The following LY75 variants were observed in gnomAD, a reference collection of about 807,000 sequenced individuals.
LY75 encodes C-type lectin domain family 13 member B.
A neutral mutation model predicts 231.7 loss-of-function variants in LY75; 185 were observed. The observed-to-expected ratio is 0.80, with a 90% CI of 0.71 to 0.90. LY75 has a LOEUF of 0.90. Ranked by LOEUF, LY75 falls within the 40% of genes least tolerant of loss-of-function variation. The probability of loss-of-function intolerance (pLI) is 0.00; values close to 1 mark genes in which losing one functional copy is unlikely to be tolerated. For synonymous variants in LY75, 668 were observed against 689.0 expected (o/e 0.97, Z 0.48); for missense variants, 1,947 against 2,050.2 (o/e 0.95, Z 0.97).
chr2:159,901,843 T>G (rs1202575849), intron 1 of LY75, among the ~76,000 whole-genome samples: 3 of 152,228 alleles, frequency 2.0e-5, no homozygotes, highest in African/African-American at 7.2e-5. Flanking sequence ...TAAAGGAAAC[T>G]TATTAGCCTC....
intron 18 of LY75, 90 bp downstream of exon 18, chr2:159,854,270 T>G (rs1684482839): frequency 1.9e-6 from 2 of 1,045,454 alleles, no homozygotes; most frequent in Non-Finnish European, 2.5e-6. Flanking sequence ...AATTTAACTT[T>G]TGTAGATTTT....
chr2:159,892,236 C>T (rs12470941), intron 3 of LY75, among the ~76,000 whole-genome samples: 25,888 of 152,202 alleles, frequency 0.17, 2,547 homozygotes, highest in East Asian at 0.32. Context: ...TCCAAGCTCT[C>T]CAAGAGCTTC....
At chr2:159,815,292 C>G (rs181001973) in intron 31 of LY75, 113 bp downstream of exon 31, 1 of 1,361,796 alleles carries the variant, frequency 7.3e-7, no homozygotes, top group African/African-American at 1.5e-5. Flanking sequence ...CGAGCCACTG[C>G]GCCCGGCCCT....
Position 159,879,238 on chromosome 2 carries a change from T to G in LY75, c.1515+21A>C, listed in dbSNP as rs756213697. 8.1e-6 allele frequency: 13 copies of G among 1,603,064 alleles called. No individual in the cohort carries two copies. In the South Asian group the frequency reaches 1.5e-4, roughly 18 times the overall value. On this transcript the variant is annotated intron_variant, in intron 9 of 34. Coordinates refer to ENST00000263636, the MANE Select transcript of LY75 (RefSeq NM_002349.4). ...AAGTTGTAATACTGCTTGAGAAAAT[T>G]TACATAGGGATTTTACCTACCTCAT...
intron 32 of LY75, among the ~76,000 whole-genome samples, chr2:159,809,338 C>T (rs986814993): frequency 6.6e-6 from 1 of 152,168 alleles, no homozygotes; most frequent in Non-Finnish European, 1.5e-5. Flanking sequence ...GCTACTCTTT[C>T]TAAAATAGCT....
chr2:159,842,185 C>A lies in LY75; in HGVS notation c.3280+60G>T, dbSNP rs535519831. 4.8e-3 allele frequency: 7,311 copies of A among 1,528,320 alleles called. 457 individuals carry two copies. In the African/African-American group the frequency reaches 0.093, roughly 19 times the overall value. The allele number at this position is 1,528,320 out of a possible 1,614,324, so 94.7% of individuals were successfully genotyped here. ...CCCTATAGAAAGTGACTCTCTCTCT[C>A]TCTATATATATATATGTAATAGCAT... is the stretch of plus-strand genomic sequence containing the variant. On this transcript the variant is annotated intron_variant, in intron 24 of 34. Coordinates refer to ENST00000263636, the MANE Select transcript of LY75 (RefSeq NM_002349.4).
Position 159,816,823 on chromosome 2 carries a change from C to T in LY75, c.4363G>A (p.Gly1455Arg). ...VKRDGFPLWV[G>R]LSSHDGSESS... ...AGACTTACATCATGACTTGAGAGCC[C>T]AACCCATAGTGGAAATCCATCACGT... Residue 1455 changes from glycine to arginine, a missense_variant, in exon 30 of 35, where the codon GGG (glycine) becomes AGG (arginine). Coordinates refer to ENST00000263636, the MANE Select transcript of LY75 (RefSeq NM_002349.4). 13 of 1,614,052 alleles carry T rather than the reference C, an allele frequency of 8.1e-6. No homozygotes were observed. The highest frequency in any genetic ancestry group is 1.1e-5 in the Non-Finnish European group (13 of 1,179,942).
At chr2:159,854,210 TA>T in intron 18 of LY75, 149 bp downstream of exon 18, 1 of 468,814 alleles carries the variant, frequency 2.1e-6, no homozygotes, top group South Asian at 9.0e-5. Context: ...TTAATTTTTC[TA>T]ACATGAAACA....
chr2:159,830,980 C>T (rs1344385568), intron 28 of LY75, among the ~76,000 whole-genome samples: 2 of 152,194 alleles, frequency 1.3e-5, no homozygotes, highest in African/African-American at 2.4e-5. Flanking sequence ...TGATTCTGTT[C>T]TTGCTCATCT....
chr2:159,864,789 G>A, intron 14 of LY75, 50 bp downstream of exon 14: 1 of 1,458,550 alleles, frequency 6.9e-7, no homozygotes, highest in African/African-American at 1.5e-5. Flanking sequence ...ACTTGTTATT[G>A]AAACAAACAG....
chr2:159,890,619 A>C (rs560716138), intron 3 of LY75, among the ~76,000 whole-genome samples: 1 of 152,168 alleles, frequency 6.6e-6, no homozygotes, highest in African/African-American at 2.4e-5. Flanking sequence ...TATCCCTATC[A>C]ATTACAATGC....
Position 159,853,839 on chromosome 2 carries a change from G to T in LY75, c.2596-142C>A, listed in dbSNP as rs537470197. ...TTAGATTTCAAAATTATACAAACTA[G>T]AACCTTTTGCCAAAGAGTAGTTGAA... On this transcript the variant is annotated intron_variant, in intron 18 of 34. Transcript: ENST00000263636. 2.3e-5 allele frequency: 25 copies of T among 1,108,038 alleles called. No individual in the cohort carries two copies. In the South Asian group the frequency reaches 3.3e-4, roughly 15 times the overall value. The allele number at this position is 1,108,038 out of a possible 1,614,324, so 68.6% of individuals were successfully genotyped here.
intron 12 of LY75, 66 bp from the exon 13 acceptor site, chr2:159,872,659 C>A: frequency 1.3e-6 from 2 of 1,545,708 alleles, no homozygotes; most frequent in South Asian, 2.4e-5. Context: ...GTGCTAAAGT[C>A]AATTACTGTC....
chr2:159,842,405 T>A, intron 23 of LY75, 31 bp from the exon 24 acceptor site: 1 of 1,594,292 alleles, frequency 6.3e-7, no homozygotes, highest in South Asian at 1.1e-5. Flanking sequence ...ATACATGCAA[T>A]CATGTAACAA....
At position 159,831,688 on chromosome 2, in the gene LY75, A is replaced by G. The variant is rs1381809831; in HGVS notation, c.3940T>C (p.Leu1314=). ...YFNYMASWVM[L]GITYRNKSLM... ...AACTTACTTCTATAAGTTATTCCTA[A>G]CATGACCCATGAAGCCATATAATTG... Residue 1314 remains leucine (L), a synonymous_variant, in exon 28 of 35, where the codon TTA becomes CTA. Transcript: ENST00000263636. 6.2e-7 allele frequency: 1 copy of G among 1,610,478 alleles called. No homozygotes were observed. The highest frequency in any genetic ancestry group is 8.5e-7 in the Non-Finnish European group (1 of 1,179,056).
intron 28 of LY75, among the ~76,000 whole-genome samples, chr2:159,829,661 C>T (rs568778668): frequency 1.4e-5 from 2 of 143,456 alleles, no homozygotes; most frequent in Admixed American, 1.4e-4. Flanking sequence ...ATAAGTATAT[C>T]AAAGTAACCC....
chr2:159,812,796 T>C (rs1056614645), intron 31 of LY75, among the ~76,000 whole-genome samples: 1 of 152,182 alleles, frequency 6.6e-6, no homozygotes, highest in Non-Finnish European at 1.5e-5. Flanking sequence ...ATCTCTAAAA[T>C]TTTTTATCTT....
At chr2:159,825,142 A>T (rs867502016) in intron 28 of LY75, among the ~76,000 whole-genome samples, 1 of 152,128 alleles carries the variant, frequency 6.6e-6, no homozygotes, top group Non-Finnish European at 1.5e-5. Context: ...ACAAAAAAAC[A>T]ACCTTCAAAA....
chr2:159,835,449 T>A, intron 26 of LY75, 31 bp downstream of exon 26: 1 of 1,563,262 alleles, frequency 6.4e-7, no homozygotes, highest in Non-Finnish European at 8.6e-7. Flanking sequence ...TGTTAATAAT[T>A]TAAGAATTAA....
Sources: gnomAD v4.1 joint callset for allele counts (sites outside exome capture counted in the v4.1 genomes callset) on GRCh38, gnomAD v4.1.1 for gene constraint, MANE v1.5 for transcripts, NCBI Gene and HGNC (gene_info 2026-07-23, HGNC 2026-07-21) for gene names.